The following PCLO variants were observed in gnomAD, a reference collection of about 807,000 sequenced individuals.
PCLO encodes the protein protein piccolo.
A neutral mutation model predicts 427.5 loss-of-function variants in PCLO; 82 were observed. That is an observed-to-expected ratio of 0.19 (90% CI 0.16 to 0.23). PCLO has a LOEUF of 0.23. PCLO is among the 10% of genes least tolerant of loss of function. The pLI is 1.00. For missense variants in PCLO, 6,239 were observed against 6,115.9 expected, an observed-to-expected ratio of 1.02 and a Z score of -0.67; for synonymous variants, 2,357 against 2,155.4, an observed-to-expected ratio of 1.09 and a Z score of -2.59.
At position 82,950,122 on chromosome 7, in the gene PCLO, C is replaced by T. The variant is rs200277138; in HGVS notation, c.10466G>A (p.Arg3489Lys). ...QDEWDMPTRSRRKARVGKYGD... is the reference protein window; with the variant it reads ...QDEWDMPTRSKRKARVGKYGD... ...ATATTTCCCTACACGAGCTTTCCTC[C>T]TTGATCTAGTAGGCATATCCCACTC... is the stretch of plus-strand genomic sequence containing the variant. The change falls in exon 6 of 25, where the codon AGG (arginine) becomes AAG (lysine). Residue 3489 changes from arginine (R) to lysine (K), a missense_variant. By Grantham distance (26) the Arg-to-Lys change is conservative. Transcript: ENST00000333891. 5.6e-6 allele frequency: 9 copies of T among 1,609,948 alleles called. No homozygotes were observed. The highest frequency in any genetic ancestry group is 1.1e-5 in the South Asian group (1 of 90,804).
intron 3 of PCLO, among the ~76,000 whole-genome samples, chr7:83,060,858 T>C (rs1789526292): frequency 6.6e-6 from 1 of 152,222 alleles, no homozygotes; most frequent in Non-Finnish European, 1.5e-5. Context: ...ATGGGTGATG[T>C]AATACATCCT....
chr7:83,005,253 G>T (rs1277285110), intron 3 of PCLO, among the ~76,000 whole-genome samples: 1 of 151,582 alleles, frequency 6.6e-6, no homozygotes, highest in African/African-American at 2.4e-5. Flanking sequence ...GAAGAGAATC[G>T]TGTCATTTGT....
chr7:83,100,624 G>A (rs1191104681), intron 3 of PCLO, among the ~76,000 whole-genome samples: 1 of 152,058 alleles, frequency 6.6e-6, no homozygotes, highest in Non-Finnish European at 1.5e-5. Context: ...TGCTCACATA[G>A]AGAGGAACAA....
chr7:82,910,608 T>C (rs1450449474), intron 7 of PCLO, among the ~76,000 whole-genome samples: 1 of 152,114 alleles, frequency 6.6e-6, no homozygotes, highest in Admixed American at 6.6e-5. Flanking sequence ...AGGCATAGCA[T>C]CCAATAAATA....
intron 3 of PCLO, among the ~76,000 whole-genome samples, chr7:83,063,899 A>T (rs1789600226): frequency 6.6e-6 from 1 of 152,090 alleles, no homozygotes. Flanking sequence ...TTTTGCACTG[A>T]TAAATATCCT....
chr7:82,851,088 C>T (rs374380749), intron 10 of PCLO, among the ~76,000 whole-genome samples: 1 of 152,016 alleles, frequency 6.6e-6, no homozygotes, highest in Non-Finnish European at 1.5e-5. Context: ...CCCTTATTTA[C>T]AATTTATTAA....
chr7:82,858,086 C>A (rs1300565837), intron 10 of PCLO, among the ~76,000 whole-genome samples: 2 of 152,032 alleles, frequency 1.3e-5, no homozygotes, highest in African/African-American at 4.8e-5. Context: ...TACTAACATA[C>A]TGAATTCAAC....
intron 4 of PCLO, among the ~76,000 whole-genome samples, chr7:82,960,920 A>G (rs1795642676): frequency 6.6e-6 from 1 of 152,162 alleles, no homozygotes; most frequent in Non-Finnish European, 1.5e-5. Flanking sequence ...AAAGTGTCAT[A>G]GGAAAAAACA....
Position 82,996,343 on chromosome 7 carries a change from G to T in PCLO, c.3301-29856C>A, listed in dbSNP as rs185444781. On this transcript the variant is annotated intron_variant, in intron 3 of 24. Transcript: ENST00000333891. ...GAAAACATTTATTTTAAAAATTAAA[G>T]ATATTTTATTGGGAGCTTGAAAGTC... Among the ~76,000 whole-genome samples, 713 of 151,910 alleles carry T rather than the reference G, an allele frequency of 4.7e-3. 1 individual carries two copies. Among genetic ancestry groups the T allele is most frequent in the Non-Finnish European group, 7.1e-3 (485 of 67,912 alleles).
At position 83,038,023 on chromosome 7, in the gene PCLO, A is replaced by ATATATATT. The variant is rs1224353773; in HGVS notation, c.3301-71544_3301-71537dup. On this transcript the variant is annotated intron_variant, in intron 3 of 24. Transcript: ENST00000333891. ...TATATATATATATATATATATATATATATATATTTATATATTTATATATAT... is the reference window on the plus strand; with the variant it reads ...TATATATATATATATATATATATATATATATATTTATATATTTATATATTTATATATAT... Among the ~76,000 whole-genome samples, 29 of 52,800 alleles carry ATATATATT rather than the reference A, an allele frequency of 5.5e-4. 2 individuals are homozygous for ATATATATT. The highest frequency in any genetic ancestry group is 1.1e-3 in the African/African-American group (8 of 7,024). The allele number at this position is 52,800 out of a possible 152,430, so 34.6% of individuals were successfully genotyped here. A position where few individuals can be genotyped will look rare whatever the true frequency, so the allele number is the denominator to read the frequency against.
intron 3 of PCLO, among the ~76,000 whole-genome samples, chr7:83,109,644 C>T (rs1226828205): frequency 6.6e-6 from 1 of 152,028 alleles, no homozygotes; most frequent in Non-Finnish European, 1.5e-5. Context: ...GCTGTTGACT[C>T]CTTGGCATGA....
chr7:82,951,377 G>A lies in PCLO; in HGVS notation c.9211C>T (p.Pro3071Ser), dbSNP rs1245003066. 1 of 1,604,826 alleles carries A rather than the reference G, an allele frequency of 6.2e-7. No homozygotes were observed. The highest frequency in any genetic ancestry group is 8.5e-7 in the Non-Finnish European group (1 of 1,175,282). Residue 3071 changes from proline to serine, a missense_variant, in exon 6 of 25, where the codon CCA becomes TCA. Transcript: ENST00000333891. Reference protein sequence around the residue: ...PQYSTARMTPPPGPQYCVGSV... With the variant: ...PQYSTARMTPSPGPQYCVGSV... Reference sequence around the variant, plus strand: ...CCCACACAATACTGGGGTCCTGGTGGTGGTGTCATTCTTGCTGTGGAATAC... The same window carrying A: ...CCCACACAATACTGGGGTCCTGGTGATGGTGTCATTCTTGCTGTGGAATAC...
chr7:82,961,025 A>T (rs1460900272), intron 4 of PCLO, among the ~76,000 whole-genome samples: 9 of 152,174 alleles, frequency 5.9e-5, no homozygotes. Flanking sequence ...TGGGCACAGA[A>T]ATTCAGTTCC....
chr7:82,970,918 T>C (rs1211067724), intron 3 of PCLO, among the ~76,000 whole-genome samples: 1 of 151,840 alleles, frequency 6.6e-6, no homozygotes, highest in African/African-American at 2.4e-5. Context: ...TCATCAATTA[T>C]AAACAAACTG....
chr7:82,972,087 T>C (rs906790927), intron 3 of PCLO, among the ~76,000 whole-genome samples: 7 of 151,872 alleles, frequency 4.6e-5, no homozygotes, highest in Non-Finnish European at 1.0e-4. Flanking sequence ...CATCTCTAAG[T>C]AGGAAACATT....
Position 82,914,993 on chromosome 7 carries a change from T to C in PCLO, c.12993A>G (p.Ala4331=), listed in dbSNP as rs1794408080. ...AEALDVSFSH[A]SSSARTKPTS... Reference sequence around the variant, plus strand: ...TCGGCTTAGTTCTGGCAGAGGATGATGCATGACTAAAGGAAACATCTAGAG... The same window carrying C: ...TCGGCTTAGTTCTGGCAGAGGATGACGCATGACTAAAGGAAACATCTAGAG... The change falls in exon 7 of 25, where the codon GCA becomes GCG. Residue 4331 remains alanine, a synonymous_variant. Transcript: ENST00000333891. 6 of 1,613,702 alleles carry C rather than the reference T, an allele frequency of 3.7e-6. No homozygotes were observed. Among genetic ancestry groups the C allele is most frequent in the Non-Finnish European group, 4.2e-6 (5 of 1,179,732 alleles).
At chr7:83,112,366 T>A (rs1425028853) in intron 3 of PCLO, among the ~76,000 whole-genome samples, 1 of 152,186 alleles carries the variant, frequency 6.6e-6, no homozygotes, top group Non-Finnish European at 1.5e-5. Flanking sequence ...TGATTGTATT[T>A]TTTTAAGAAC....
rs561352128 is a variant in PCLO at position 82,841,572 on chromosome 7, G to A, written c.14047-63C>T. The A allele has an allele frequency of 8.9e-4, 923 of 1,039,242 alleles. 1 individual carries two copies. Among genetic ancestry groups the A allele is most frequent in the Non-Finnish European group, 1.2e-3 (849 of 681,914 alleles). 64.4% of individuals were successfully genotyped at this position (1,039,242 alleles called of 1,614,324 possible). A position where few individuals can be genotyped will look rare whatever the true frequency, so the allele number is the denominator to read the frequency against. The stretch of plus-strand genomic sequence containing the variant: ...CATTTTTCACATAATTTATCATTTC[G>A]GCTTCCTTCTGAAATTAGTTTCTAT... On this transcript the variant is annotated intron_variant, in intron 13 of 24. Transcript: ENST00000333891.
chr7:82,846,912 T>A (rs1336990211), intron 11 of PCLO, among the ~76,000 whole-genome samples: 1 of 152,158 alleles, frequency 6.6e-6, no homozygotes, highest in Non-Finnish European at 1.5e-5. Context: ...GGTTCAGGCT[T>A]TCATTTAAAT....
Sources: gnomAD v4.1 joint callset for allele counts (sites outside exome capture counted in the v4.1 genomes callset) on GRCh38, gnomAD v4.1.1 for gene constraint, MANE v1.5 for transcripts, NCBI Gene and HGNC (gene_info 2026-07-23, HGNC 2026-07-21) for gene names.